Variants in SLC22A24 observed in about 807,000 individuals in gnomAD.
SLC22A24 encodes the protein steroid transmembrane transporter SLC22A24.
A neutral mutation model predicts 49.8 loss-of-function variants in SLC22A24; 53 were observed. The observed-to-expected ratio is 1.06, with a 90% CI of 0.85 to 1.34. The LOEUF is 1.34. SLC22A24 is among the 40% of genes most tolerant of loss of function. The pLI, the probability that SLC22A24 is intolerant of heterozygous loss-of-function variation, is 0.00. For missense variants in SLC22A24, 786 were observed against 675.9 expected, an observed-to-expected ratio of 1.16 and a Z score of -1.81; for synonymous variants, 302 against 256.4, an observed-to-expected ratio of 1.18 and a Z score of -1.70.
At chr11:63,135,311 C>T (rs1384798422) in intron 1 of SLC22A24, among the ~76,000 whole-genome samples, 1 of 152,088 alleles carries the variant, frequency 6.6e-6, no homozygotes, top group South Asian at 2.1e-4. Context: ...TTAAAAATAC[C>T]GATGCCTAGA....
chr11:63,080,303 A>G lies in SLC22A24; in HGVS notation c.1599-303T>C, dbSNP rs143280962. Among the ~76,000 whole-genome samples, 23 of 152,322 alleles carry G rather than the reference A, an allele frequency of 1.5e-4. 1 individual carries two copies. The East Asian group carries it at 4.4e-3, about 29-fold the overall frequency. On this transcript the variant is annotated intron_variant, in intron 9 of 9. Coordinates refer to ENST00000612278, the MANE Select transcript of SLC22A24 (RefSeq NM_001136506.2). ...TTTTAAAGCTATTGTCTTATTTTTC[A>G]TCATTTAAAATCCTGCTTTCTTTTC...
At chr11:63,095,931 A>C in intron 6 of SLC22A24, 60 bp downstream of exon 6, 1 of 1,220,334 alleles carries the variant, frequency 8.2e-7, no homozygotes, top group East Asian at 2.6e-5. Context: ...ATCTTTTGAA[A>C]GAAGAAACAG....
At chr11:63,118,662 G>T in intron 4 of SLC22A24, 1 of 545,032 alleles carries the variant, frequency 1.8e-6, no homozygotes, top group East Asian at 2.8e-5. Context: ...AAATAAGTGG[G>T]TATTTTTTCT....
chr11:63,118,680 A>G, intron 4 of SLC22A24: 1 of 539,166 alleles, frequency 1.9e-6, no homozygotes, highest in Non-Finnish European at 3.3e-6. Flanking sequence ...TCTATTAAGA[A>G]AAATAATTTC....
intron 2 of SLC22A24, among the ~76,000 whole-genome samples, chr11:63,123,411 CT>C (rs1331881567): frequency 1.3e-5 from 2 of 152,148 alleles, no homozygotes; most frequent in African/African-American, 4.8e-5. Flanking sequence ...CATTTCTTTT[CT>C]GAGTTACCCC....
At chr11:63,112,066 T>C (rs1171772410) in intron 4 of SLC22A24, among the ~76,000 whole-genome samples, 4 of 152,106 alleles carry the variant, frequency 2.6e-5, no homozygotes, top group Non-Finnish European at 5.9e-5. Context: ...GTCTCGTTGG[T>C]TTCAAAGAAC....
At chr11:63,127,808 C>A (rs1398639802) in intron 2 of SLC22A24, among the ~76,000 whole-genome samples, 1 of 151,862 alleles carries the variant, frequency 6.6e-6, no homozygotes, top group Non-Finnish European at 1.5e-5. Context: ...ATCCTTTGCC[C>A]ACTTTTTGAT....
intron 2 of SLC22A24, among the ~76,000 whole-genome samples, chr11:63,132,306 T>A (rs1160006853): frequency 6.6e-6 from 1 of 152,324 alleles, no homozygotes; most frequent in African/African-American, 2.4e-5. Context: ...TCATTCTTCA[T>A]CCAGTTTTTT....
intron 2 of SLC22A24, among the ~76,000 whole-genome samples, chr11:63,123,113 T>G (rs371658057): frequency 6.6e-6 from 1 of 152,170 alleles, no homozygotes; most frequent in Admixed American, 6.5e-5. Context: ...ATGAAAAAGT[T>G]GTGTCAGTCT....
In SLC22A24 at chr11:63,089,614, C is replaced by T. The variant is rs6650188; in HGVS notation, c.1071-6157G>A. Among the ~76,000 whole-genome samples, 976 of 152,158 alleles carry T rather than the reference C, an allele frequency of 6.4e-3. 11 individuals are homozygous for T. Among genetic ancestry groups the T allele is most frequent in the African/African-American group, 0.023 (941 of 41,494 alleles). On this transcript the variant is annotated intron_variant, in intron 6 of 9. Coordinates refer to ENST00000612278, the MANE Select transcript of SLC22A24 (RefSeq NM_001136506.2). ...TGGGCTAAATGCCTCAATTAAAAGA[C>T]ACAGAATGACAAACTGGATAAAGAG...
chr11:63,083,548 G>T (rs2086971632), intron 6 of SLC22A24, 91 bp from the exon 7 acceptor site: 1 of 1,057,772 alleles, frequency 9.5e-7, no homozygotes, highest in Non-Finnish European at 1.4e-6. Context: ...TCCTACAAAT[G>T]ATTATAATAT....
At chr11:63,106,385 A>G (rs543433372) in intron 4 of SLC22A24, among the ~76,000 whole-genome samples, 5 of 152,284 alleles carry the variant, frequency 3.3e-5, no homozygotes, top group African/African-American at 1.2e-4. Flanking sequence ...GAGTGCTGCA[A>G]TAAACATATG....
At chr11:63,096,196 T>C (rs2087054012) in intron 5 of SLC22A24, 90 bp from the exon 6 acceptor site, 1 of 800,968 alleles carries the variant, frequency 1.2e-6, no homozygotes, top group Non-Finnish European at 2.1e-6. Context: ...GATAGACATA[T>C]TGTAAACTAT....
intron 4 of SLC22A24, among the ~76,000 whole-genome samples, chr11:63,111,191 G>T (rs2087161198): frequency 6.6e-6 from 1 of 151,926 alleles, no homozygotes; most frequent in Non-Finnish European, 1.5e-5. Context: ...GCATCCCAGG[G>T]ATGAAGCCCA....
intron 6 of SLC22A24, among the ~76,000 whole-genome samples, chr11:63,088,765 G>A (rs947557157): frequency 6.6e-6 from 1 of 151,930 alleles, no homozygotes; most frequent in African/African-American, 2.4e-5. Flanking sequence ...CACAGCATGA[G>A]AACTTCATGA....
At chr11:63,104,779 A>T (rs2087110387) in intron 4 of SLC22A24, among the ~76,000 whole-genome samples, 1 of 152,050 alleles carries the variant, frequency 6.6e-6, no homozygotes, top group South Asian at 2.1e-4. Flanking sequence ...TGGGTCCCTC[A>T]CTAAACCAGA....
At chr11:63,083,549 AT>A in intron 6 of SLC22A24, 92 bp from the exon 7 acceptor site, 1 of 1,032,552 alleles carries the variant, frequency 9.7e-7, no homozygotes, top group Non-Finnish European at 1.4e-6. Flanking sequence ...CCTACAAATG[AT>A]TATAATATTG....
In SLC22A24 at chr11:63,082,429, G is replaced by T. The variant is rs116780751; in HGVS notation, c.1286-763C>A. 4.1e-3 allele frequency among the ~76,000 whole-genome samples: 617 copies of T among 152,306 alleles called. 2 individuals carry two copies. The highest frequency in any genetic ancestry group is 0.014 in the African/African-American group (571 of 41,568). On this transcript the variant is annotated intron_variant, in intron 7 of 9. Coordinates refer to ENST00000612278, the MANE Select transcript of SLC22A24 (RefSeq NM_001136506.2). ...CCTATAAGGCAGAAAACTTACACCAGCAGGAGGCATGGAGCCCACCAGTCT... is the reference window on the plus strand; with the variant it reads ...CCTATAAGGCAGAAAACTTACACCATCAGGAGGCATGGAGCCCACCAGTCT...
At chr11:63,090,663 C>CAATAAATAAATAAATA (rs58585722) in intron 6 of SLC22A24, among the ~76,000 whole-genome samples, 41,621 of 137,636 alleles carry the variant, frequency 0.3, 6,708 homozygotes, top group Admixed American at 0.35. Context: ...ACTTAAAGTA[C>CAATAAATAAATAAATA]AATAAATAAA....
Sources: gnomAD v4.1 joint callset for allele counts (sites outside exome capture counted in the v4.1 genomes callset) on GRCh38, gnomAD v4.1.1 for gene constraint, MANE v1.5 for transcripts, NCBI Gene and HGNC (gene_info 2026-07-23, HGNC 2026-07-21) for gene names.